Variants in PHACTR3 observed in about 807,000 individuals in gnomAD.
The protein encoded by PHACTR3 is phosphatase and actin regulator 3.
Under a neutral mutation model 66.8 loss-of-function variants are expected in PHACTR3, and 16 were observed. The observed-to-expected ratio is 0.24, with a 90% CI of 0.16 to 0.36. The LOEUF is 0.36. Among genes scored for constraint, PHACTR3 ranks in the 10% least tolerant of loss-of-function variants. The probability of loss-of-function intolerance (pLI) is 1.00; values close to 1 mark genes in which losing one functional copy is unlikely to be tolerated. For synonymous variants in PHACTR3, 323 were observed against 292.1 expected, an observed-to-expected ratio of 1.11 and a Z score of -1.08; for missense variants, 647 against 719.9, an observed-to-expected ratio of 0.90 and a Z score of 1.16.
intron 5 of PHACTR3, among the ~76,000 whole-genome samples, chr20:59,770,595 G>A (rs1331921350): frequency 1.3e-5 from 2 of 152,194 alleles, no homozygotes; most frequent in Non-Finnish European, 2.9e-5. Flanking sequence ...GGCAGATTTG[G>A]TGTCTCTGAT....
chr20:59,709,663 A>G (rs2037841098), intron 1 of PHACTR3, among the ~76,000 whole-genome samples: 1 of 152,150 alleles, frequency 6.6e-6, no homozygotes, highest in Middle Eastern at 3.2e-3. Flanking sequence ...GTTAGCACCT[A>G]CTTGGGAGTA....
chr20:59,637,880 G>A (rs2034952188), intron 1 of PHACTR3, among the ~76,000 whole-genome samples: 1 of 152,158 alleles, frequency 6.6e-6, no homozygotes, highest in Non-Finnish European at 1.5e-5. Context: ...GCTTTTATCT[G>A]CCAAGCACAT....
chr20:59,742,984 T>C, intron 1 of PHACTR3, 123 bp from the exon 2 acceptor site: 1 of 1,132,346 alleles, frequency 8.8e-7, no homozygotes, highest in Non-Finnish European at 1.3e-6. Context: ...ACAACCATCC[T>C]GGGGTCCAGG....
intron 7 of PHACTR3, among the ~76,000 whole-genome samples, chr20:59,780,473 C>A (rs777980606): frequency 6.6e-6 from 1 of 152,166 alleles, no homozygotes. Context: ...TTCTATGTGT[C>A]CTCACATGGC....
chr20:59,662,464 G>A (rs1465241684), intron 1 of PHACTR3, among the ~76,000 whole-genome samples: 2 of 152,154 alleles, frequency 1.3e-5, no homozygotes, highest in African/African-American at 4.8e-5. Flanking sequence ...GGAGAGAGCA[G>A]GATGTATGGA....
At chr20:59,729,414 A>G (rs1009443847) in intron 1 of PHACTR3, among the ~76,000 whole-genome samples, 1 of 152,172 alleles carries the variant, frequency 6.6e-6, no homozygotes, top group Non-Finnish European at 1.5e-5. Flanking sequence ...TGCAGTGTGC[A>G]GAGTGAGGGG....
intron 7 of PHACTR3, among the ~76,000 whole-genome samples, chr20:59,798,142 T>G (rs1196166860): frequency 2.0e-5 from 3 of 152,204 alleles, no homozygotes; most frequent in Non-Finnish European, 2.9e-5. Context: ...GAGAACCCAT[T>G]CTTCATAGGT....
chr20:59,675,977 G>A (rs971496271), intron 1 of PHACTR3, among the ~76,000 whole-genome samples: 8 of 152,214 alleles, frequency 5.3e-5, no homozygotes, highest in Admixed American at 4.6e-4. Context: ...GGTGCACCAA[G>A]GGTCCCTGGC....
At chr20:59,767,464 C>A (rs2040217925) in intron 5 of PHACTR3, 69 bp downstream of exon 5, 1 of 1,441,538 alleles carries the variant, frequency 6.9e-7, no homozygotes, top group Non-Finnish European at 9.5e-7. Context: ...ATCCTACATT[C>A]ATCCACCCAT....
At chr20:59,607,053 G>T (rs2033695480) in intron 1 of PHACTR3, among the ~76,000 whole-genome samples, 1 of 152,218 alleles carries the variant, frequency 6.6e-6, no homozygotes, top group Non-Finnish European at 1.5e-5. Flanking sequence ...GGAACTTGAT[G>T]GAGGAAGGGC....
intron 1 of PHACTR3, among the ~76,000 whole-genome samples, chr20:59,653,668 G>A (rs2035528958): frequency 1.3e-5 from 2 of 152,070 alleles, no homozygotes; most frequent in Non-Finnish European, 1.5e-5. Context: ...CTTGGAGAAA[G>A]CAATTAAGCA....
chr20:59,739,565 TC>T (rs1230846842), intron 1 of PHACTR3, among the ~76,000 whole-genome samples: 1 of 152,040 alleles, frequency 6.6e-6, no homozygotes, highest in African/African-American at 2.4e-5. Context: ...GGGAGGAGCC[TC>T]CCTTATAAAA....
At chr20:59,703,449 C>G (rs1378699679) in intron 1 of PHACTR3, among the ~76,000 whole-genome samples, 2 of 152,146 alleles carry the variant, frequency 1.3e-5, no homozygotes, top group Admixed American at 6.5e-5. Context: ...AATGCACAAC[C>G]AGCCCAGGGG....
chr20:59,723,735 C>G (rs895531762), intron 1 of PHACTR3, among the ~76,000 whole-genome samples: 1 of 151,950 alleles, frequency 6.6e-6, no homozygotes, highest in South Asian at 2.1e-4. Context: ...TATGGCGACT[C>G]GGTCTTTGGG....
chr20:59,637,663 C>T (rs1450584946), intron 1 of PHACTR3, among the ~76,000 whole-genome samples: 3 of 149,424 alleles, frequency 2.0e-5, no homozygotes, highest in African/African-American at 7.4e-5. Flanking sequence ...GATCCTTAAC[C>T]AACCAACATG....
intron 7 of PHACTR3, among the ~76,000 whole-genome samples, chr20:59,800,738 G>A (rs2041388040): frequency 6.6e-6 from 1 of 152,078 alleles, no homozygotes; most frequent in African/African-American, 2.4e-5. Flanking sequence ...TACCTTCTTG[G>A]GTGTTGGATG....
chr20:59,791,414 A>G (rs2041091031), intron 7 of PHACTR3, among the ~76,000 whole-genome samples: 1 of 152,082 alleles, frequency 6.6e-6, no homozygotes, highest in African/African-American at 2.4e-5. Flanking sequence ...ATGGGCTCTA[A>G]TTCTGATGGT....
At chr20:59,733,072 C>CT (rs35384852) in intron 1 of PHACTR3, among the ~76,000 whole-genome samples, 9,700 of 127,852 alleles carry the variant, frequency 0.076, 553 homozygotes, top group Non-Finnish European at 0.12. Context: ...AAATTCACTC[C>CT]TTTTTTTTTT....
chr20:59,604,146 G>A (rs35378285), upstream of PHACTR3, among the ~76,000 whole-genome samples: 30,936 of 152,048 alleles, frequency 0.2, 3,961 homozygotes, highest in South Asian at 0.29. Flanking sequence ...AGGTGGTTGC[G>A]GGGAGGAAGC....
Sources: gnomAD v4.1 joint callset for allele counts (sites outside exome capture counted in the v4.1 genomes callset) on GRCh38, gnomAD v4.1.1 for gene constraint, MANE v1.5 for transcripts, NCBI Gene and HGNC (gene_info 2026-07-23, HGNC 2026-07-21) for gene names.